Variants in RBFOX1 observed in about 807,000 individuals in gnomAD.
RBFOX1 encodes RNA binding protein fox-1 homolog 1.
In RBFOX1, 8 loss-of-function variants were observed where a neutral mutation model predicts 57.7. The observed-to-expected ratio is 0.14, with a 90% confidence interval of 0.08 to 0.25. The LOEUF (loss-of-function observed/expected upper bound fraction) is 0.25, where lower values mean the gene tolerates loss of function less well. Ranked by LOEUF, RBFOX1 falls within the 10% of genes least tolerant of loss-of-function variation. The pLI is 1.00. For missense variants in RBFOX1, 611 were observed against 548.5 expected (o/e 1.11, Z -1.14); for synonymous variants, 326 against 222.4 (o/e 1.47, Z -4.15).
At chr16:6,964,881 C>G (rs991673095) in intron 3 of RBFOX1, among the ~76,000 whole-genome samples, 2 of 152,196 alleles carry the variant, frequency 1.3e-5, no homozygotes, top group African/African-American at 4.8e-5. Context: ...GGGCAAGTCA[C>G]TCCTTAACCT....
intron 4 of RBFOX1, among the ~76,000 whole-genome samples, chr16:7,260,047 AAC>A: frequency 6.6e-6 from 1 of 152,306 alleles, no homozygotes; most frequent in East Asian, 1.9e-4. Flanking sequence ...GCTCCATAAG[AAC>A]AGAGACTGTC....
intron 3 of RBFOX1, among the ~76,000 whole-genome samples, chr16:6,987,719 G>C (rs767082135): frequency 3.3e-5 from 5 of 152,124 alleles, no homozygotes; most frequent in Non-Finnish European, 7.3e-5. Context: ...CCAAATACAT[G>C]ACCACAGTTT....
At chr16:7,609,631 A>G (rs2057032735) in intron 10 of RBFOX1, among the ~76,000 whole-genome samples, 1 of 152,136 alleles carries the variant, frequency 6.6e-6, no homozygotes, top group Non-Finnish European at 1.5e-5. Context: ...CACTGTACAT[A>G]AGTTTAATGT....
chr16:6,659,992 A>C (rs972219124), intron 3 of RBFOX1, among the ~76,000 whole-genome samples: 2 of 152,026 alleles, frequency 1.3e-5, no homozygotes, highest in African/African-American at 4.8e-5. Flanking sequence ...GCACTTTTGG[A>C]GGGTGAGGCG....
intron 10 of RBFOX1, among the ~76,000 whole-genome samples, chr16:7,617,473 C>T (rs573539452): frequency 6.6e-4 from 101 of 152,148 alleles, no homozygotes; most frequent in Middle Eastern, 3.4e-3. Context: ...AAGAGCTCAG[C>T]GGTAATAAAG....
rs149684314 is a variant in RBFOX1, at chr16:6,723,399, G to C, written c.-16+68749G>C. 4.3e-3 allele frequency among the ~76,000 whole-genome samples: 647 copies of C among 152,232 alleles called. 7 individuals carry two copies. Among genetic ancestry groups the C allele is most frequent in the African/African-American group, 0.015 (617 of 41,554 alleles). ...TGGATTAAAAAGATAAAGACTTAAA[G>C]ATACCACTATGGAGTTATCTCAAAG... On this transcript the variant is annotated intron_variant, in intron 3 of 15. Transcript: ENST00000550418.
chr16:7,178,796 T>C (rs538806066), intron 4 of RBFOX1, among the ~76,000 whole-genome samples: 2 of 152,326 alleles, frequency 1.3e-5, no homozygotes, highest in South Asian at 2.1e-4. Flanking sequence ...TGATCACAGG[T>C]GAGACATCGG....
At chr16:5,479,721 T>G (rs939812166) in intron 2 of RBFOX1, among the ~76,000 whole-genome samples, 1 of 151,910 alleles carries the variant, frequency 6.6e-6, no homozygotes, top group African/African-American at 2.4e-5. Context: ...ATCGCGCCAT[T>G]CCAGCCTGAG....
chr16:6,311,333 G>A (rs920034681), intron 1 of RBFOX1, among the ~76,000 whole-genome samples: 3 of 149,402 alleles, frequency 2.0e-5, no homozygotes, highest in African/African-American at 7.4e-5. Flanking sequence ...AAGAACTATT[G>A]GCTTTTGGGT....
At chr16:5,865,788 A>T (rs570229922) in intron 3 of RBFOX1, among the ~76,000 whole-genome samples, 18 of 152,170 alleles carry the variant, frequency 1.2e-4, no homozygotes, top group Non-Finnish European at 2.6e-4. Flanking sequence ...CTGGAGCCTG[A>T]GAGTTCAAGA....
chr16:7,059,942 A>T (rs967893124), intron 4 of RBFOX1, among the ~76,000 whole-genome samples: 1 of 152,230 alleles, frequency 6.6e-6, no homozygotes, highest in Non-Finnish European at 1.5e-5. Flanking sequence ...GTATGAAAAC[A>T]CGATTCAAAA....
chr16:7,508,540 A>AAG (rs1221351290), intron 4 of RBFOX1, among the ~76,000 whole-genome samples: 1 of 152,102 alleles, frequency 6.6e-6, no homozygotes, highest in African/African-American at 2.4e-5. Context: ...CATCCTTTTA[A>AAG]AGAAACTGAA....
intron 4 of RBFOX1, among the ~76,000 whole-genome samples, chr16:7,205,351 C>G (rs1352744987): frequency 1.3e-5 from 2 of 151,844 alleles, no homozygotes; most frequent in African/African-American, 2.4e-5. Flanking sequence ...AACCTCATTT[C>G]TACTAAAAAT....
chr16:6,344,346 C>T (rs187359355), intron 2 of RBFOX1, among the ~76,000 whole-genome samples: 4 of 151,412 alleles, frequency 2.6e-5, no homozygotes, highest in African/African-American at 9.7e-5. Flanking sequence ...CCACCATGCC[C>T]GGCCTGGTAT....
intron 3 of RBFOX1, among the ~76,000 whole-genome samples, chr16:6,746,865 T>C (rs9939407): frequency 0.25 from 37,497 of 152,032 alleles, 4,778 homozygotes; most frequent in East Asian, 0.36. Flanking sequence ...ACAACTCAAA[T>C]GTTGATGTCC....
At chr16:5,704,902 G>C (rs919283312) in intron 3 of RBFOX1, among the ~76,000 whole-genome samples, 1 of 152,116 alleles carries the variant, frequency 6.6e-6, no homozygotes, top group Non-Finnish European at 1.5e-5. Context: ...TTACATCATG[G>C]GGATTTAACT....
At chr16:6,665,565 C>T (rs897450427) in intron 3 of RBFOX1, among the ~76,000 whole-genome samples, 11 of 150,274 alleles carry the variant, frequency 7.3e-5, no homozygotes, top group African/African-American at 2.2e-4. Flanking sequence ...GCGGTGATTG[C>T]AGTGAGCTGA....
chr16:7,196,596 A>AT (rs540301272), intron 4 of RBFOX1, among the ~76,000 whole-genome samples: 7 of 152,134 alleles, frequency 4.6e-5, no homozygotes, highest in Non-Finnish European at 7.4e-5. Context: ...TTTTATTCGC[A>AT]TTTTTTAGAG....
chr16:7,410,163 C>G (rs2098409031), intron 4 of RBFOX1, among the ~76,000 whole-genome samples: 1 of 149,800 alleles, frequency 6.7e-6, no homozygotes, highest in African/African-American at 2.5e-5. Context: ...TACAGCGCAA[C>G]TTAATAATTG....
Sources: allele counts gnomAD v4.1 joint callset (sites outside exome capture counted in the v4.1 genomes callset), GRCh38; gene constraint gnomAD v4.1.1; transcripts MANE v1.5; gene names NCBI Gene and HGNC (gene_info 2026-07-23, HGNC 2026-07-21).